Variants in STK32C observed in about 807,000 individuals in gnomAD.
The protein encoded by STK32C is serine/threonine-protein kinase 32C.
STK32C carries 31 observed loss-of-function variants against 56.5 expected under a neutral mutation model. That is an observed-to-expected ratio of 0.55 (90% CI 0.41 to 0.74). The LOEUF is 0.74. Among genes scored for constraint, STK32C ranks in the 30% least tolerant of loss-of-function variants. The pLI is 0.00. For missense variants in STK32C, 544 were observed against 676.9 expected, an observed-to-expected ratio of 0.80 and a Z score of 2.18; for synonymous variants, 309 against 289.4, an observed-to-expected ratio of 1.07 and a Z score of -0.69.
intron 1 of STK32C, among the ~76,000 whole-genome samples, chr10:132,282,905 T>TG (rs1211641945): frequency 6.6e-5 from 10 of 152,172 alleles, no homozygotes; most frequent in African/African-American, 2.2e-4. Flanking sequence ...CAGGAGGCGG[T>TG]GGGGGGTGTT....
chr10:132,246,450 G>A (rs1055002761), intron 1 of STK32C, among the ~76,000 whole-genome samples: 1 of 152,234 alleles, frequency 6.6e-6, no homozygotes, highest in Non-Finnish European at 1.5e-5. Context: ...CACTCACTGG[G>A]CAAGCCTGGG....
intron 1 of STK32C, among the ~76,000 whole-genome samples, chr10:132,305,514 CA>C (rs2066031561): frequency 6.6e-6 from 1 of 152,208 alleles, no homozygotes; most frequent in African/African-American, 2.4e-5. Flanking sequence ...GAGACACCAA[CA>C]CAGCACCAGG....
At chr10:132,331,032 C>A (rs2066688621) in intron 1 of STK32C, among the ~76,000 whole-genome samples, 1 of 150,936 alleles carries the variant, frequency 6.6e-6, no homozygotes, top group Non-Finnish European at 1.5e-5. Flanking sequence ...GAAACCCCGT[C>A]TCTACTAAAA....
intron 1 of STK32C, among the ~76,000 whole-genome samples, chr10:132,304,090 G>T (rs928025860): frequency 1.4e-4 from 21 of 152,230 alleles, no homozygotes; most frequent in African/African-American, 4.8e-4. Context: ...TCCTAAAAAT[G>T]TATCCTAGGG....
intron 1 of STK32C, among the ~76,000 whole-genome samples, chr10:132,284,233 A>G (rs1368527203): frequency 2.7e-5 from 4 of 148,908 alleles, no homozygotes; most frequent in South Asian, 4.3e-4. Flanking sequence ...GAAGCCCCGC[A>G]GGAAACGGGC....
intron 1 of STK32C, among the ~76,000 whole-genome samples, chr10:132,271,559 C>T (rs937485986): frequency 6.6e-6 from 1 of 152,190 alleles, no homozygotes; most frequent in African/African-American, 2.4e-5. Flanking sequence ...CCACACACAG[C>T]ACTCAGGGTG....
At chr10:132,223,914 A>G (rs1409746697) in intron 8 of STK32C, among the ~76,000 whole-genome samples, 2 of 152,158 alleles carry the variant, frequency 1.3e-5, no homozygotes, top group Non-Finnish European at 2.9e-5. Context: ...ACTGATGGCC[A>G]CACCCCTGCC....
chr10:132,244,518 C>T (rs971626406), intron 2 of STK32C, among the ~76,000 whole-genome samples: 1 of 152,184 alleles, frequency 6.6e-6, no homozygotes. Context: ...GGAAACAGCA[C>T]CTGCACCCGC....
At chr10:132,231,220 G>A (rs962500569) in intron 2 of STK32C, among the ~76,000 whole-genome samples, 31 of 152,314 alleles carry the variant, frequency 2.0e-4, no homozygotes, top group African/African-American at 2.6e-4. Context: ...GCACACCCAC[G>A]GCTCTGCTGT....
chr10:132,327,956 T>G (rs2066532044), intron 1 of STK32C, among the ~76,000 whole-genome samples: 1 of 151,950 alleles, frequency 6.6e-6, no homozygotes, highest in Non-Finnish European at 1.5e-5. Flanking sequence ...GGGCAGAAAG[T>G]GCCTGAGAGT....
At chr10:132,332,114 A>C, upstream of STK32C, 1 of 198,228 alleles carries the variant, frequency 5.0e-6, no homozygotes, top group Non-Finnish European at 1.0e-5. Flanking sequence ...CGCATCACAG[A>C]CACACTCGCG....
At chr10:132,284,772 GTC>G (rs2065341406) in intron 1 of STK32C, among the ~76,000 whole-genome samples, 1 of 49,026 alleles carries the variant, frequency 2.0e-5, no homozygotes, top group Admixed American at 1.8e-4. Context: ...ACATTCCCAC[GTC>G]TGCCCAAAGA....
intron 1 of STK32C, among the ~76,000 whole-genome samples, chr10:132,262,831 T>A (rs1448164101): frequency 6.7e-6 from 1 of 148,828 alleles, no homozygotes; most frequent in Non-Finnish European, 1.5e-5. Flanking sequence ...CCAACAAGCA[T>A]ATGAAAAACA....
intron 1 of STK32C, among the ~76,000 whole-genome samples, chr10:132,275,537 G>A (rs538683546): frequency 1.3e-5 from 2 of 152,264 alleles, no homozygotes; most frequent in East Asian, 3.9e-4. Context: ...AATCACCTCC[G>A]AGTCTCAGTG....
In STK32C at chr10:132,223,984, C is replaced by T. The variant is rs996192713; in HGVS notation, c.993+423G>A. On this transcript the variant is annotated intron_variant, in intron 8 of 11. Coordinates refer to ENST00000298630, the MANE Select transcript of STK32C (RefSeq NM_173575.4). ...GTTTGCAGTGGGCAGTGGCTGCCCA[C>T]CTTCCCCAGGAGGCACTGGGGCAAA... Among the ~76,000 whole-genome samples the T allele has an allele frequency of 1.6e-4, 25 of 152,328 alleles. 1 individual carries two copies. The highest frequency in any genetic ancestry group is 2.8e-4 in the Non-Finnish European group (19 of 68,018).
upstream of STK32C, among the ~76,000 whole-genome samples, chr10:132,309,115 T>C (rs1239272672): frequency 2.0e-5 from 3 of 152,108 alleles, no homozygotes; most frequent in African/African-American, 7.2e-5. Context: ...TGTCTCCCGC[T>C]CCCGTCCCTC....
chr10:132,256,742 G>A (rs902095686), intron 1 of STK32C, among the ~76,000 whole-genome samples: 1 of 152,130 alleles, frequency 6.6e-6, no homozygotes, highest in African/African-American at 2.4e-5. Flanking sequence ...ACCACCCACA[G>A]GGGCAGACCT....
chr10:132,323,943 C>G, downstream of STK32C: 1 of 311,516 alleles, frequency 3.2e-6, no homozygotes, highest in Admixed American at 4.4e-5. The surrounding 1 kb of genome is among the most constrained non-coding windows in gnomAD (Gnocchi z 4.8). Context: ...ATAACCCAAC[C>G]TGTGGCAGTT....
chr10:132,328,876 C>T (rs761566223), intron 1 of STK32C, among the ~76,000 whole-genome samples: 12 of 152,234 alleles, frequency 7.9e-5, no homozygotes, highest in African/African-American at 1.7e-4. Context: ...CAGTTCCCAA[C>T]GGCAAGGCCA....
Sources: allele counts gnomAD v4.1 joint callset (sites outside exome capture counted in the v4.1 genomes callset), GRCh38; gene constraint gnomAD v4.1.1; non-coding constraint Gnocchi (gnomAD v3.1); transcripts MANE v1.5; gene names NCBI Gene and HGNC (gene_info 2026-07-23, HGNC 2026-07-21).